Variants in CNTNAP2 observed in about 807,000 individuals in gnomAD.
The protein encoded by CNTNAP2 is contactin associated protein 2, also known as contactin-associated protein-like 2.
CNTNAP2 carries 98 observed loss-of-function variants against 155.2 expected under a neutral mutation model. The observed-to-expected ratio is 0.63, with a 90% CI of 0.54 to 0.75. The LOEUF is 0.75. Among genes scored for constraint, CNTNAP2 ranks in the 30% least tolerant of loss-of-function variants. The probability of loss-of-function intolerance (pLI) is 0.00; values close to 1 mark genes in which losing one functional copy is unlikely to be tolerated. For synonymous variants in CNTNAP2, 651 were observed against 631.2 expected (o/e 1.03, Z -0.47); for missense variants, 1,727 against 1,688.1 (o/e 1.02, Z -0.40).
intron 1 of CNTNAP2, among the ~76,000 whole-genome samples, chr7:146,739,296 G>A (rs1012219584): frequency 2.0e-5 from 3 of 151,888 alleles, no homozygotes; most frequent in Non-Finnish European, 4.4e-5. Context: ...AATGGATAAA[G>A]TAATTCTTAG....
intron 12 of CNTNAP2, among the ~76,000 whole-genome samples, chr7:147,627,516 T>A (rs10238617): frequency 0.089 from 13,564 of 151,700 alleles, 1,690 homozygotes; most frequent in African/African-American, 0.26. Flanking sequence ...GCCAACATAG[T>A]GAAACCCTGT....
rs111704230 is a variant in CNTNAP2, at chr7:146,904,714, G to A, written c.402+64810G>A. Among the ~76,000 whole-genome samples, 279 of 152,144 alleles carry A rather than the reference G, an allele frequency of 1.8e-3. 1 individual carries two copies. Among genetic ancestry groups the A allele is most frequent in the African/African-American group, 6.4e-3 (264 of 41,516 alleles). On this transcript the variant is annotated intron_variant, in intron 3 of 23. Transcript: ENST00000361727. ...TCTCGATCTCCTGACCTCGTGATCC[G>A]CCCACCTCGGCCTCCCAAAGTGCTG... is the stretch of plus-strand genomic sequence containing the variant.
intron 20 of CNTNAP2, among the ~76,000 whole-genome samples, chr7:148,239,191 A>G (rs1370232072): frequency 1.3e-5 from 2 of 152,182 alleles, no homozygotes; most frequent in Admixed American, 6.5e-5. Context: ...GAGCCATTTG[A>G]ACACTCTGGC....
At chr7:147,750,807 G>C (rs1797121739) in intron 13 of CNTNAP2, among the ~76,000 whole-genome samples, 1 of 152,148 alleles carries the variant, frequency 6.6e-6, no homozygotes, top group Admixed American at 6.5e-5. Flanking sequence ...GGGAGGCCAA[G>C]GCGGGTAGAT....
chr7:146,463,136 A>G (rs114481605), intron 1 of CNTNAP2, among the ~76,000 whole-genome samples: 3,077 of 152,254 alleles, frequency 0.02, 102 homozygotes, highest in African/African-American at 0.069. Context: ...CTGGAAATAA[A>G]AACTTAAGAC....
At chr7:148,360,612 C>T (rs1798601436) in intron 21 of CNTNAP2, among the ~76,000 whole-genome samples, 3 of 152,030 alleles carry the variant, frequency 2.0e-5, no homozygotes. Flanking sequence ...CTTAATTAGG[C>T]ATTTAGGTAG....
intron 13 of CNTNAP2, among the ~76,000 whole-genome samples, chr7:147,680,737 C>T (rs1225420931): frequency 1.3e-5 from 2 of 151,770 alleles, no homozygotes; most frequent in Non-Finnish European, 2.9e-5. Context: ...ATGTTCTTGC[C>T]ATTGCACATG....
chr7:146,906,214 G>C (rs886409826), intron 3 of CNTNAP2, among the ~76,000 whole-genome samples: 3 of 151,844 alleles, frequency 2.0e-5, no homozygotes, highest in Admixed American at 6.6e-5. Flanking sequence ...AGGCGGCAGC[G>C]AGGCTGGGGG....
chr7:147,904,897 A>G (rs908073361), intron 14 of CNTNAP2, among the ~76,000 whole-genome samples: 11 of 93,756 alleles, frequency 1.2e-4, no homozygotes, highest in African/African-American at 7.1e-4. Context: ...TGAAAGATGT[A>G]TCTACACACA....
intron 1 of CNTNAP2, among the ~76,000 whole-genome samples, chr7:146,403,109 T>C (rs1795738385): frequency 6.6e-6 from 1 of 152,196 alleles, no homozygotes; most frequent in South Asian, 2.1e-4. Context: ...TCACTCTATA[T>C]GCATTTCATA....
intron 1 of CNTNAP2, among the ~76,000 whole-genome samples, chr7:146,233,351 T>G (rs999860461): frequency 2.6e-5 from 4 of 152,104 alleles, no homozygotes; most frequent in Non-Finnish European, 4.4e-5. Context: ...ATTTTCATAG[T>G]ATAATTAGCC....
intron 8 of CNTNAP2, among the ~76,000 whole-genome samples, chr7:147,149,482 A>G (rs1563094202): frequency 6.6e-6 from 1 of 152,232 alleles, no homozygotes; most frequent in South Asian, 2.1e-4. Flanking sequence ...AAAGGGCAAA[A>G]AGAAAGAAAT....
chr7:146,705,624 A>G (rs1020962304), intron 1 of CNTNAP2, among the ~76,000 whole-genome samples: 11 of 151,684 alleles, frequency 7.3e-5, no homozygotes, highest in Admixed American at 6.6e-4. Flanking sequence ...CACAGTCCAC[A>G]TGGCTGGGAG....
intron 1 of CNTNAP2, among the ~76,000 whole-genome samples, chr7:146,358,969 G>T (rs762022913): frequency 1.6e-4 from 24 of 152,314 alleles, no homozygotes; most frequent in Non-Finnish European, 2.6e-4. Context: ...AGATTTCACT[G>T]TTAGTCCTAA....
At chr7:146,510,613 C>T (rs1258267794) in intron 1 of CNTNAP2, among the ~76,000 whole-genome samples, 1 of 152,178 alleles carries the variant, frequency 6.6e-6, no homozygotes, top group Non-Finnish European at 1.5e-5. Context: ...TTGCAATCCA[C>T]AGATATGGGA....
chr7:147,281,241 C>T lies in CNTNAP2; in HGVS notation c.1349-18900C>T, dbSNP rs946926016. 3.3e-5 allele frequency among the ~76,000 whole-genome samples: 5 copies of T among 151,836 alleles called. 1 individual carries two copies. In the South Asian group the frequency reaches 8.3e-4, roughly 25 times the overall value. ...AACCTCTGGTGCAAGATTTTTATAA[C>T]GAATCATCAGCATTCAATATAGGAA... On this transcript the variant is annotated intron_variant, in intron 8 of 23. Coordinates refer to ENST00000361727, the MANE Select transcript of CNTNAP2 (RefSeq NM_014141.6).
rs76032279 is a variant in CNTNAP2 at position 147,045,277 on chromosome 7, A to T, written c.550+1223A>T. ...AGTTCACACTAAGCAGAAAATTTCA[A>T]ATGCCCCCGTTGGACAAGCTTTCTA... On this transcript the variant is annotated intron_variant, in intron 4 of 23. Coordinates refer to ENST00000361727, the MANE Select transcript of CNTNAP2 (RefSeq NM_014141.6). 2.2e-3 allele frequency among the ~76,000 whole-genome samples: 333 copies of T among 152,236 alleles called. 4 individuals carry two copies. The highest frequency in any genetic ancestry group is 7.8e-3 in the African/African-American group (323 of 41,560).
chr7:147,496,183 G>T (rs184704049), intron 11 of CNTNAP2, among the ~76,000 whole-genome samples: 1 of 139,254 alleles, frequency 7.2e-6, no homozygotes, highest in African/African-American at 2.6e-5. Flanking sequence ...GAAATAAATT[G>T]CAAAATAAAT....
intron 8 of CNTNAP2, among the ~76,000 whole-genome samples, chr7:147,234,719 C>T (rs1047264987): frequency 1.3e-5 from 2 of 152,132 alleles, no homozygotes; most frequent in Admixed American, 1.3e-4. Context: ...TTTCCCTCAG[C>T]CTGGGAGATT....
Sources: allele counts gnomAD v4.1 joint callset (sites outside exome capture counted in the v4.1 genomes callset), GRCh38; gene constraint gnomAD v4.1.1; transcripts MANE v1.5; gene names NCBI Gene and HGNC (gene_info 2026-07-23, HGNC 2026-07-21).